KANSL1: variants seen among roughly 807,000 people sequenced by gnomAD.
KANSL1 encodes MLL1/MLL complex subunit KANSL1.
In KANSL1, 22 loss-of-function variants were observed where a neutral mutation model predicts 103.6. The observed-to-expected ratio is 0.21, with a 90% CI of 0.15 to 0.30. The LOEUF is 0.30. Ranked by LOEUF, KANSL1 falls within the 10% of genes least tolerant of loss-of-function variation. KANSL1 has a pLI of 1.00. For missense variants in KANSL1, 1,337 were observed against 1,399.8 expected (o/e 0.96, Z 0.72); for synonymous variants, 600 against 527.6 (o/e 1.14, Z -1.88).
chr17:46,137,938 G>T (rs1159063683), intron 2 of KANSL1, among the ~76,000 whole-genome samples: 2 of 152,208 alleles, frequency 1.3e-5, no homozygotes, highest in African/African-American at 4.8e-5. Context: ...AGATGAAAAG[G>T]TGTCTGCACT....
intron 4 of KANSL1, among the ~76,000 whole-genome samples, chr17:46,068,885 G>A (rs1568412415): frequency 6.6e-6 from 1 of 152,126 alleles, no homozygotes; most frequent in African/African-American, 2.4e-5. Flanking sequence ...CTCAGTTCTA[G>A]CAATTGTTGA....
intron 1 of KANSL1, among the ~76,000 whole-genome samples, chr17:46,174,537 T>C (rs2046430966): frequency 6.6e-6 from 1 of 152,246 alleles, no homozygotes; most frequent in South Asian, 2.1e-4. Flanking sequence ...ACGATATTAA[T>C]GAACGTGAAT....
At chr17:46,060,565 C>T (rs777705760) in intron 6 of KANSL1, among the ~76,000 whole-genome samples, 3 of 152,200 alleles carry the variant, frequency 2.0e-5, no homozygotes, top group Admixed American at 6.5e-5. Context: ...GGCATGCTTG[C>T]TCCTTTCCAA....
At chr17:46,106,288 C>CT (rs1272884954) in intron 2 of KANSL1, among the ~76,000 whole-genome samples, 1 of 152,230 alleles carries the variant, frequency 6.6e-6, no homozygotes, top group East Asian at 1.9e-4. Context: ...AATGCTCCAA[C>CT]TTTAGTAAGT....
chr17:46,099,205 T>TC (rs2042205538), intron 2 of KANSL1, among the ~76,000 whole-genome samples: 1 of 144,144 alleles, frequency 6.9e-6, no homozygotes, highest in South Asian at 2.1e-4. Context: ...GCGCCTGTAG[T>TC]CCCAGCTACT....
intron 2 of KANSL1, among the ~76,000 whole-genome samples, chr17:46,153,153 T>C (rs1036073226): frequency 1.3e-5 from 2 of 152,244 alleles, no homozygotes; most frequent in African/African-American, 4.8e-5. Context: ...AGTTCCCTTG[T>C]TGAGTAAGTT....
intron 6 of KANSL1, among the ~76,000 whole-genome samples, chr17:46,065,041 C>T (rs2078327521): frequency 6.6e-6 from 1 of 151,790 alleles, no homozygotes; most frequent in Admixed American, 6.6e-5. Context: ...AGTGGCACAA[C>T]CATGGTTCAC....
At chr17:46,140,387 T>C (rs1005187646) in intron 2 of KANSL1, among the ~76,000 whole-genome samples, 3 of 152,146 alleles carry the variant, frequency 2.0e-5, no homozygotes, top group Admixed American at 1.3e-4. Context: ...CCTCACACCA[T>C]ACAGAAAACT....
At chr17:46,210,231 T>C (rs1597974698) in intron 1 of KANSL1, among the ~76,000 whole-genome samples, 1 of 152,070 alleles carries the variant, frequency 6.6e-6, no homozygotes, top group East Asian at 1.9e-4. Flanking sequence ...TCCCAGCACT[T>C]TGGGAGGCTG....
At chr17:46,105,952 C>CAA (rs1391201694) in intron 2 of KANSL1, among the ~76,000 whole-genome samples, 29 of 123,564 alleles carry the variant, frequency 2.3e-4, no homozygotes, top group Admixed American at 7.0e-4. Context: ...CACACACCCC[C>CAA]CCAGAAGGGT....
At chr17:46,147,579 A>ATT (rs1419605142) in intron 2 of KANSL1, among the ~76,000 whole-genome samples, 15 of 110,068 alleles carry the variant, frequency 1.4e-4, no homozygotes, top group Admixed American at 2.9e-4. Context: ...CTTTAAAAAA[A>ATT]AAAAAAAAAA....
At chr17:46,210,751 G>T (rs1263611260) in intron 1 of KANSL1, among the ~76,000 whole-genome samples, 4 of 152,212 alleles carry the variant, frequency 2.6e-5, no homozygotes, top group African/African-American at 9.6e-5. Context: ...GGAAAAATAA[G>T]GGAACGGAGT....
At chr17:46,092,870 C>T (rs1357547177) in intron 3 of KANSL1, 1 of 152,070 alleles carries the variant, frequency 6.6e-6, no homozygotes, top group Non-Finnish European at 1.5e-5. Flanking sequence ...CTGTTATGCC[C>T]TGGTTTAACT....
intron 2 of KANSL1, among the ~76,000 whole-genome samples, chr17:46,138,849 A>G (rs1267286471): frequency 6.6e-6 from 1 of 152,232 alleles, no homozygotes; most frequent in Non-Finnish European, 1.5e-5. Flanking sequence ...ACAGTTCACA[A>G]TATTAGGAGA....
intron 2 of KANSL1, among the ~76,000 whole-genome samples, chr17:46,143,326 T>C (rs1175188505): frequency 6.6e-6 from 1 of 152,102 alleles, no homozygotes; most frequent in African/African-American, 2.4e-5. Flanking sequence ...AAACCCCGTC[T>C]CTACTAAATA....
At chr17:46,174,550 T>C (rs973890115) in intron 1 of KANSL1, among the ~76,000 whole-genome samples, 2 of 152,262 alleles carry the variant, frequency 1.3e-5, no homozygotes, top group Non-Finnish European at 2.9e-5. Context: ...ACGTGAATTT[T>C]TGATTGCATA....
intron 2 of KANSL1, among the ~76,000 whole-genome samples, chr17:46,151,629 A>G (rs1452684460): frequency 6.6e-6 from 1 of 152,260 alleles, no homozygotes; most frequent in Non-Finnish European, 1.5e-5. Flanking sequence ...ACTCCTTGTA[A>G]CTAAAATCAT....
chr17:46,187,650 T>C (rs766693790), intron 1 of KANSL1, among the ~76,000 whole-genome samples: 40 of 152,360 alleles, frequency 2.6e-4, no homozygotes, highest in African/African-American at 9.1e-4. Flanking sequence ...ATGTTAACAC[T>C]GTGGAAGCAG....
chr17:46,042,447 G>A (rs2146397596), intron 7 of KANSL1: 1 of 152,220 alleles, frequency 6.6e-6, no homozygotes, highest in East Asian at 1.9e-4. Flanking sequence ...GGTGCAGAAA[G>A]GTACATTAAC....
Sources: allele counts gnomAD v4.1 joint callset (sites outside exome capture counted in the v4.1 genomes callset), GRCh38; gene constraint gnomAD v4.1.1; transcripts MANE v1.5; gene names NCBI Gene and HGNC (gene_info 2026-07-23, HGNC 2026-07-21).